ADAMTS19: variants seen among roughly 807,000 people sequenced by gnomAD.
The protein encoded by ADAMTS19 is A disintegrin and metalloproteinase with thrombospondin motifs 19.
Under a neutral mutation model 153.3 loss-of-function variants are expected in ADAMTS19, and 93 were observed. The observed-to-expected ratio is 0.61, with a 90% confidence interval of 0.51 to 0.72. The LOEUF is 0.72. Ranked by LOEUF, ADAMTS19 falls within the 30% of genes least tolerant of loss-of-function variation. The pLI is 0.00. For missense variants in ADAMTS19, 1,482 were observed against 1,552.1 expected, an observed-to-expected ratio of 0.95 and a Z score of 0.76; for synonymous variants, 600 against 556.6, an observed-to-expected ratio of 1.08 and a Z score of -1.10.
rs1476577127 is a variant in ADAMTS19, at chr5:129,684,203, T to C, written c.2748T>C (p.Ser916=). 6.2e-7 allele frequency: 1 copy of C among 1,614,108 alleles called. No homozygotes were observed. Among genetic ancestry groups the C allele is most frequent in the Non-Finnish European group, 8.5e-7 (1 of 1,180,046 alleles). The change falls in exon 18 of 23, where the codon TCT becomes TCC. Residue 916 remains serine (S), a synonymous_variant. Coordinates refer to ENST00000274487, the MANE Select transcript of ADAMTS19 (RefSeq NM_133638.6). ...ACCCTCTTCCAGAAAACCAGAGCTC[T>C]AAAGCACCTGAGCCCCTCTTCATGT... ...PSDPLPENQS[S]KAPEPLFMWT...
At chr5:129,566,243 G>A (rs1177347499) in intron 7 of ADAMTS19, among the ~76,000 whole-genome samples, 2 of 152,198 alleles carry the variant, frequency 1.3e-5, no homozygotes, top group African/African-American at 4.8e-5. Context: ...AAAGAATGCT[G>A]AGATAATGGA....
chr5:129,550,014 A>ATGTATC (rs1753026078), intron 6 of ADAMTS19, among the ~76,000 whole-genome samples: 3 of 135,456 alleles, frequency 2.2e-5, no homozygotes, highest in South Asian at 4.9e-4. Flanking sequence ...ATACATATAC[A>ATGTATC]TGTATATGTA....
chr5:129,515,729 C>T (rs1751580722), intron 3 of ADAMTS19, among the ~76,000 whole-genome samples: 1 of 151,938 alleles, frequency 6.6e-6, no homozygotes, highest in Non-Finnish European at 1.5e-5. Flanking sequence ...ACATTATCAG[C>T]AAACAAGGAT....
At chr5:129,504,847 G>A (rs933025123) in intron 2 of ADAMTS19, among the ~76,000 whole-genome samples, 1 of 142,540 alleles carries the variant, frequency 7.0e-6, no homozygotes, top group African/African-American at 2.6e-5. Context: ...TTAAGTCTGA[G>A]TAGTATTCTG....
At chr5:129,545,199 G>A (rs1752813136) in intron 6 of ADAMTS19, among the ~76,000 whole-genome samples, 2 of 152,056 alleles carry the variant, frequency 1.3e-5, no homozygotes, top group Non-Finnish European at 2.9e-5. Context: ...TGTTTTGGGG[G>A]AAAACAGTTG....
At chr5:129,468,172 T>G (rs1362676032) in intron 2 of ADAMTS19, among the ~76,000 whole-genome samples, 1 of 152,192 alleles carries the variant, frequency 6.6e-6, no homozygotes, top group Non-Finnish European at 1.5e-5. Context: ...ATATCTATGT[T>G]AAAGGGCATG....
At chr5:129,626,933 T>G (rs544502889) in intron 10 of ADAMTS19, among the ~76,000 whole-genome samples, 1 of 152,202 alleles carries the variant, frequency 6.6e-6, no homozygotes, top group East Asian at 1.9e-4. Flanking sequence ...CTGGGAAAGT[T>G]TCCTAGAAAG....
intron 14 of ADAMTS19, among the ~76,000 whole-genome samples, chr5:129,656,513 C>T (rs945529717): frequency 2.0e-5 from 3 of 152,244 alleles, no homozygotes; most frequent in South Asian, 4.1e-4. Context: ...TTACTGAAAA[C>T]GATAAGGAAG....
intron 2 of ADAMTS19, among the ~76,000 whole-genome samples, chr5:129,502,721 C>T (rs1581013730): frequency 6.6e-6 from 1 of 152,258 alleles, no homozygotes; most frequent in African/African-American, 2.4e-5. Context: ...GGAGTGAATA[C>T]CTGCTCTTCA....
chr5:129,572,542 G>T (rs931747590), intron 7 of ADAMTS19, among the ~76,000 whole-genome samples: 3 of 151,928 alleles, frequency 2.0e-5, no homozygotes, highest in Non-Finnish European at 4.4e-5. Flanking sequence ...CAGGTGAATG[G>T]ATAAACAATC....
At chr5:129,550,937 C>A (rs1299329499) in intron 6 of ADAMTS19, among the ~76,000 whole-genome samples, 1 of 151,588 alleles carries the variant, frequency 6.6e-6, no homozygotes, top group Non-Finnish European at 1.5e-5. Flanking sequence ...CAAAACATCA[C>A]AACTAACTTT....
At chr5:129,579,406 G>T (rs1000141337) in intron 7 of ADAMTS19, among the ~76,000 whole-genome samples, 8 of 152,098 alleles carry the variant, frequency 5.3e-5, no homozygotes, top group African/African-American at 1.9e-4. Flanking sequence ...CACTCTGATG[G>T]TAGTTTCTTT....
chr5:129,525,033 A>T (rs1445389824), intron 3 of ADAMTS19, among the ~76,000 whole-genome samples: 1 of 152,114 alleles, frequency 6.6e-6, no homozygotes, highest in Non-Finnish European at 1.5e-5. Flanking sequence ...TTTCATTGCT[A>T]TATAGTATTC....
At chr5:129,728,915 T>C (rs1267714315) in intron 21 of ADAMTS19, among the ~76,000 whole-genome samples, 1 of 152,156 alleles carries the variant, frequency 6.6e-6, no homozygotes, top group Non-Finnish European at 1.5e-5. Context: ...TTTAAGACTA[T>C]GTTAGACAGG....
intron 21 of ADAMTS19, among the ~76,000 whole-genome samples, chr5:129,716,537 T>A (rs919089272): frequency 6.6e-6 from 1 of 151,490 alleles, no homozygotes; most frequent in Non-Finnish European, 1.5e-5. Context: ...AAATTCCTGA[T>A]CTTATTTTCT....
chr5:129,545,828 C>T (rs1054913391), intron 6 of ADAMTS19, among the ~76,000 whole-genome samples: 35 of 150,506 alleles, frequency 2.3e-4, no homozygotes, highest in African/African-American at 7.3e-4. Context: ...GTCAGTGTGG[C>T]GATTCCTCAG....
chr5:129,477,507 G>T (rs1750264417), intron 2 of ADAMTS19, among the ~76,000 whole-genome samples: 1 of 152,190 alleles, frequency 6.6e-6, no homozygotes, highest in African/African-American at 2.4e-5. Flanking sequence ...TGTGTATTTA[G>T]AGTGTGTTTT....
chr5:129,636,275 G>C (rs1355613022), intron 10 of ADAMTS19, among the ~76,000 whole-genome samples: 48 of 152,054 alleles, frequency 3.2e-4, no homozygotes. Flanking sequence ...TTTGTATTCT[G>C]TTCACAGTTT....
intron 6 of ADAMTS19, among the ~76,000 whole-genome samples, chr5:129,548,566 A>G (rs1319801432): frequency 1.3e-5 from 2 of 151,514 alleles, no homozygotes; most frequent in Non-Finnish European, 2.9e-5. Context: ...GAACACTTTT[A>G]CACTGTTGTT....
Sources: allele counts gnomAD v4.1 joint callset (sites outside exome capture counted in the v4.1 genomes callset), GRCh38; gene constraint gnomAD v4.1.1; transcripts MANE v1.5; gene names NCBI Gene and HGNC (gene_info 2026-07-23, HGNC 2026-07-21).